The following VPS13C variants were observed in gnomAD, a reference collection of about 807,000 sequenced individuals.
VPS13C encodes the protein intermembrane lipid transfer protein VPS13C.
In VPS13C, 358 loss-of-function variants were observed where a neutral mutation model predicts 456.8. The ratio of observed to expected loss-of-function variants is 0.78; its 90% CI spans 0.72 to 0.86. The LOEUF is 0.86. Ranked by LOEUF, VPS13C falls within the 40% of genes least tolerant of loss-of-function variation. The pLI is 0.00. For synonymous variants in VPS13C, 1,578 were observed against 1,486.7 expected, an observed-to-expected ratio of 1.06 and a Z score of -1.41; for missense variants, 4,818 against 4,385.4, an observed-to-expected ratio of 1.10 and a Z score of -2.79.
At chr15:61,900,842 C>G (rs2042975784) in intron 66 of VPS13C, among the ~76,000 whole-genome samples, 1 of 151,804 alleles carries the variant, frequency 6.6e-6, no homozygotes, top group African/African-American at 2.4e-5. Context: ...AGGCATCACA[C>G]TGCCTGACTT....
intron 63 of VPS13C, among the ~76,000 whole-genome samples, chr15:61,911,333 CTT>C (rs1169976697): frequency 6.6e-6 from 1 of 152,174 alleles, no homozygotes; most frequent in East Asian, 1.9e-4. Context: ...CTACCAATGA[CTT>C]TATCAATCTT....
chr15:62,010,610 A>G lies in VPS13C; in HGVS notation c.884-11T>C, dbSNP rs373068266. ...ATATTGGCTGGAAAACTTACATCACATGGGAAGACATAAGATATGTTCATA... is the reference window on the plus strand; with the variant it reads ...ATATTGGCTGGAAAACTTACATCACGTGGGAAGACATAAGATATGTTCATA... On this transcript the variant is annotated splice_polypyrimidine_tract_variant and intron_variant, in intron 12 of 84. Coordinates refer to ENST00000644861, the MANE Select transcript of VPS13C (RefSeq NM_020821.3). 3.0e-5 allele frequency: 48 copies of G among 1,606,970 alleles called. No homozygotes were observed. The highest frequency in any genetic ancestry group is 3.8e-5 in the Non-Finnish European group (45 of 1,177,268).
chr15:61,924,169 C>G (rs2043762758), intron 53 of VPS13C, among the ~76,000 whole-genome samples: 1 of 152,144 alleles, frequency 6.6e-6, no homozygotes, highest in Non-Finnish European at 1.5e-5. Context: ...GCCCGGCCAC[C>G]CCTCTAAATC....
intron 50 of VPS13C, among the ~76,000 whole-genome samples, chr15:61,930,098 T>C (rs2044004591): frequency 6.6e-6 from 1 of 152,168 alleles, no homozygotes; most frequent in Non-Finnish European, 1.5e-5. Flanking sequence ...AACAAATCAG[T>C]GTAGTCACAC....
At chr15:61,866,914 C>T (rs1894634992) in intron 81 of VPS13C, 1 of 984,244 alleles carries the variant, frequency 1.0e-6, no homozygotes, top group South Asian at 4.7e-5. Flanking sequence ...TATACTTTGG[C>T]TTCATTTCTG....
intron 42 of VPS13C, among the ~76,000 whole-genome samples, chr15:61,948,677 C>T (rs772643114): frequency 2.4e-4 from 36 of 151,202 alleles, no homozygotes; most frequent in Non-Finnish European, 1.0e-4. Context: ...AAGTGAAATT[C>T]CGTCTCAAAA....
At chr15:61,887,607 C>T (rs148677483) in intron 67 of VPS13C, among the ~76,000 whole-genome samples, 3,024 of 152,258 alleles carry the variant, frequency 0.02, 63 homozygotes, top group East Asian at 0.068. Flanking sequence ...GGGAGGATTG[C>T]TTGAGCATAG....
In VPS13C at chr15:62,023,852, A is replaced by G. The variant is rs748997052; in HGVS notation, c.449-7T>C. ...TGCTTTTTACGTTTACGTCCTTCACAGTGGAAGCATTTTAGTGAGAAAAGG... is the reference window on the plus strand; with the variant it reads ...TGCTTTTTACGTTTACGTCCTTCACGGTGGAAGCATTTTAGTGAGAAAAGG... On this transcript the variant is annotated splice_region_variant and splice_polypyrimidine_tract_variant and intron_variant, in intron 6 of 84. Transcript: ENST00000644861. 5.6e-6 allele frequency: 9 copies of G among 1,607,984 alleles called. No individual in the cohort carries two copies. Among genetic ancestry groups the G allele is most frequent in the Non-Finnish European group, 4.2e-6 (5 of 1,176,656 alleles).
intron 9 of VPS13C, among the ~76,000 whole-genome samples, chr15:62,016,306 T>A (rs1481202172): frequency 1.3e-5 from 2 of 151,900 alleles, no homozygotes; most frequent in Non-Finnish European, 2.9e-5. Flanking sequence ...AGTTCTAGGG[T>A]ACATGTGCAC....
At position 62,007,422 on chromosome 15, in the gene VPS13C, C is replaced by T. The variant is rs779017929; in HGVS notation, c.1176G>A (p.Met392Ile). Residue 392 changes from methionine to isoleucine, a missense_variant, in exon 15 of 85, where the codon ATG becomes ATA. By Grantham distance (10) the Met-to-Ile change is conservative (BLOSUM62 1). Around this residue, in one of 3 missense-constraint regions of VPS13C, gnomAD observed 4,552 missense variants for 4,130.6 expected, o/e 1.10. Coordinates refer to ENST00000644861, the MANE Select transcript of VPS13C (RefSeq NM_020821.3). ...GCTTTTTTATGTTACTCCATGACCA[C>T]ATCTGTGTATACCTTCTTATATGAA... ...LEVHIRRYTQ[M>I]WSWSNIKKHR... 15 of 1,612,560 alleles carry T rather than the reference C, an allele frequency of 9.3e-6. No individual in the cohort carries two copies. In the African/African-American group the frequency reaches 1.3e-4, roughly 14 times the overall value.
chr15:61,864,895 A>G, intron 81 of VPS13C: 2 of 969,664 alleles, frequency 2.1e-6, no homozygotes, highest in Non-Finnish European at 2.5e-6. Context: ...AATATGTTAA[A>G]ATATTTAGAT....
chr15:61,911,695 G>GT (rs2043306496), intron 63 of VPS13C, 145 bp downstream of exon 63: 2 of 833,776 alleles, frequency 2.4e-6, no homozygotes, highest in South Asian at 6.0e-5. Flanking sequence ...TAAAAATATA[G>GT]TAAGAGAAAA....
chr15:62,003,112 T>TAA (rs1173237257), intron 15 of VPS13C, among the ~76,000 whole-genome samples: 1 of 152,162 alleles, frequency 6.6e-6, no homozygotes, highest in Non-Finnish European at 1.5e-5. Context: ...CCTTGGGCAG[T>TAA]ATGGCCATTT....
chr15:61,983,620 G>A, intron 20 of VPS13C, 200 bp downstream of exon 20: 1 of 524,218 alleles, frequency 1.9e-6, no homozygotes, highest in Non-Finnish European at 3.2e-6. Flanking sequence ...ATAAACCTTG[G>A]AGTAGGGAAA....
intron 4 of VPS13C, 90 bp from the exon 5 acceptor site, chr15:62,033,632 T>C (rs1033450702): frequency 3.5e-5 from 25 of 723,370 alleles, no homozygotes; most frequent in Non-Finnish European, 4.9e-5. Context: ...ATTGTGTAAG[T>C]GTATAATCCT....
chr15:61,856,080 G>C (rs565886720), intron 83 of VPS13C, among the ~76,000 whole-genome samples: 1 of 152,062 alleles, frequency 6.6e-6, no homozygotes, highest in Admixed American at 6.6e-5. Flanking sequence ...AATTATTTGG[G>C]TGGGTAGACT....
Position 62,025,944 on chromosome 15 carries a change from A to G in VPS13C, c.449-2099T>C, listed in dbSNP as rs182672909. Among the ~76,000 whole-genome samples the G allele has an allele frequency of 9.6e-4, 145 of 151,584 alleles. 2 individuals carry two copies. In the East Asian group the frequency reaches 0.028, roughly 29 times the overall value. ...ATAACATACAGTTATAAAAATAGCT[A>G]TATTTTTTAAACACAATGTTGTGAG... On this transcript the variant is annotated intron_variant, in intron 6 of 84. Transcript: ENST00000644861.
intron 57 of VPS13C, 68 bp downstream of exon 57, chr15:61,919,999 A>G: frequency 7.3e-7 from 1 of 1,365,882 alleles, no homozygotes; most frequent in Non-Finnish European, 9.6e-7. Flanking sequence ...GTTTTTTCAC[A>G]TTTTATCAAA....
In VPS13C at chr15:61,941,893, T is replaced by C; in HGVS notation, c.5323A>G (p.Asn1775Asp). The C allele has an allele frequency of 6.2e-7, 1 of 1,614,028 alleles. No individual in the cohort carries two copies. The highest frequency in any genetic ancestry group is 8.5e-7 in the Non-Finnish European group (1 of 1,179,924). ...IIIPQSSVSPNAVIADLGLIR... is the reference protein window; with the variant it reads ...IIIPQSSVSPDAVIADLGLIR... ...AAACCCAGATCTGCTATAACAGCAT[T>C]AGGTGATACTGAAGACTGAGGAATA... Residue 1775 changes from asparagine to aspartate, a missense_variant, in exon 46 of 85, where the codon AAT becomes GAT. Transcript: ENST00000644861.
Sources: gnomAD v4.1 joint callset for allele counts (sites outside exome capture counted in the v4.1 genomes callset) on GRCh38, gnomAD v4.1.1 for gene constraint, gnomAD v4.1.1 regional missense constraint, MANE v1.5 for transcripts, NCBI Gene and HGNC (gene_info 2026-07-23, HGNC 2026-07-21) for gene names.